The following MPP4 variants were observed in gnomAD, a reference collection of about 807,000 sequenced individuals.
The protein encoded by MPP4 is MAGUK p55 subfamily member 4.
MPP4 carries 91 observed loss-of-function variants against 98.3 expected under a neutral mutation model. The ratio of observed to expected loss-of-function variants is 0.93; its 90% CI spans 0.78 to 1.10. The LOEUF is 1.10. Ranked by LOEUF, MPP4 falls within the 50% of genes least tolerant of loss-of-function variation. MPP4 has a pLI of 0.00. For synonymous variants in MPP4, 261 were observed against 271.8 expected, an observed-to-expected ratio of 0.96 and a Z score of 0.39; for missense variants, 744 against 792.9, an observed-to-expected ratio of 0.94 and a Z score of 0.74.
intron 12 of MPP4, among the ~76,000 whole-genome samples, chr2:201,666,925 T>A (rs1371978305): frequency 6.6e-6 from 1 of 152,122 alleles, no homozygotes; most frequent in African/African-American, 2.4e-5. Context: ...TGTGGGAGGC[T>A]ATATAACATA....
chr2:201,693,933 C>T lies in MPP4; in HGVS notation c.22G>A (p.Ala8Thr), dbSNP rs2105951424. The T allele has an allele frequency of 1.9e-6, 3 of 1,613,978 alleles. No homozygotes were observed. The highest frequency in any genetic ancestry group is 2.2e-5 in the East Asian group (1 of 44,892). The change falls in exon 2 of 22, where the codon GCA becomes ACA. Residue 8 changes from alanine to threonine, a missense_variant. Transcript: ENST00000409474. ...ATGTCCTTCTTGTCTGGTGGATCTG[C>T]TCCTTTGTCTGACTGTATCATCCTC... Reference protein sequence around the residue: MIQSDKGADPPDKKDMKL... With the variant: MIQSDKGTDPPDKKDMKL...
At chr2:201,683,434 A>G (rs1001510867) in intron 7 of MPP4, among the ~76,000 whole-genome samples, 1 of 152,220 alleles carries the variant, frequency 6.6e-6, no homozygotes, top group Non-Finnish European at 1.5e-5. Context: ...ACAGCATCAG[A>G]TGTGGTCAAG....
At chr2:201,682,755 C>T in intron 8 of MPP4, 76 bp downstream of exon 8, 1 of 1,271,836 alleles carries the variant, frequency 7.9e-7, no homozygotes, top group Middle Eastern at 1.8e-4. Flanking sequence ...CCAGTGCACA[C>T]ACGTGGGCTT....
At chr2:201,650,656 G>T in intron 18 of MPP4, 1 of 985,260 alleles carries the variant, frequency 1.0e-6, no homozygotes, top group African/African-American at 1.7e-5. Flanking sequence ...CTGATGAAAA[G>T]CGAAGTTGAA....
intron 5 of MPP4, 109 bp downstream of exon 5, chr2:201,687,181 GT>G: frequency 7.8e-6 from 7 of 896,420 alleles, no homozygotes; most frequent in Non-Finnish European, 1.2e-5. Context: ...ACCGTGTACA[GT>G]AATAGAACAT....
chr2:201,673,956 G>A (rs954532518), intron 11 of MPP4, among the ~76,000 whole-genome samples: 6 of 152,262 alleles, frequency 3.9e-5, no homozygotes, highest in East Asian at 1.9e-4. Context: ...GAAGGGCCTC[G>A]CTCAGTAGGC....
chr2:201,665,222 C>G (rs1474481540), intron 13 of MPP4: 1 of 152,236 alleles, frequency 6.6e-6, no homozygotes, highest in East Asian at 1.9e-4. Context: ...CCCGCCACCA[C>G]GCCTGGCTAA....
intron 21 of MPP4, among the ~76,000 whole-genome samples, chr2:201,646,300 CT>C (rs1279322479): frequency 2.0e-5 from 3 of 152,144 alleles, no homozygotes; most frequent in Non-Finnish European, 4.4e-5. Flanking sequence ...AAAATGGCCA[CT>C]TTCAACATGA....
At chr2:201,692,481 T>A (rs1574639737) in intron 3 of MPP4, among the ~76,000 whole-genome samples, 1 of 149,076 alleles carries the variant, frequency 6.7e-6, no homozygotes, top group African/African-American at 2.5e-5. Context: ...GAGGCGGAGG[T>A]TGCAGTGAGT....
chr2:201,673,545 T>A (rs1341949623), intron 11 of MPP4: 1 of 210,412 alleles, frequency 4.8e-6, no homozygotes, highest in African/African-American at 2.4e-5. Context: ...GTTCTGCACA[T>A]GTATCCCAGA....
rs1162113030 is a variant in MPP4, at chr2:201,645,062, A to AT, written c.*147dup. 4 of 685,758 alleles carry AT rather than the reference A, an allele frequency of 5.8e-6. No homozygotes were observed. Among genetic ancestry groups the AT allele is most frequent in the African/African-American group, 1.8e-5 (1 of 54,418 alleles). The allele number at this position is 685,758 out of a possible 1,614,324, so 42.5% of individuals were successfully genotyped here. On this transcript the variant is annotated 3_prime_UTR_variant, in exon 22 of 22. Transcript: ENST00000409474. ...GTAACCACATAACCATACAATAAAA[A>AT]TTTTTTTCAAATAAGATTAATTAAT...
At chr2:201,678,662 T>C (rs1332911672) in intron 10 of MPP4, among the ~76,000 whole-genome samples, 2 of 152,172 alleles carry the variant, frequency 1.3e-5, no homozygotes, top group Non-Finnish European at 2.9e-5. Context: ...TGTGAAGAGA[T>C]GGCTCGCGTC....
At chr2:201,671,031 A>G (rs774760834) in intron 11 of MPP4, among the ~76,000 whole-genome samples, 2 of 152,198 alleles carry the variant, frequency 1.3e-5, no homozygotes, top group African/African-American at 4.8e-5. Flanking sequence ...TCCAGCCCAG[A>G]TATTACCCTT....
intron 3 of MPP4, 112 bp downstream of exon 3, chr2:201,692,795 GT>G (rs1689075122): frequency 7.0e-7 from 1 of 1,432,964 alleles, no homozygotes; most frequent in African/African-American, 1.4e-5. Context: ...ATCAATTTCT[GT>G]TGTTTATAAA....
intron 7 of MPP4, among the ~76,000 whole-genome samples, chr2:201,683,410 CAAGA>C (rs1160009298): frequency 6.6e-6 from 1 of 152,158 alleles, no homozygotes; most frequent in Non-Finnish European, 1.5e-5. Context: ...ATAAAAAATT[CAAGA>C]AAGGTGTCAA....
At chr2:201,693,069 G>T in intron 2 of MPP4, 40 bp from the exon 3 acceptor site, 1 of 1,587,550 alleles carries the variant, frequency 6.3e-7, no homozygotes. Context: ...GGCAGGTGCG[G>T]GTGTAAATGT....
chr2:201,673,912 C>T (rs375997420), intron 11 of MPP4, among the ~76,000 whole-genome samples: 1 of 152,212 alleles, frequency 6.6e-6, no homozygotes, highest in Non-Finnish European at 1.5e-5. Flanking sequence ...CCCTCCCTTA[C>T]CCCCTTTCCA....
At chr2:201,683,051 A>C in intron 7 of MPP4, 135 bp from the exon 8 acceptor site, 4 of 594,710 alleles carry the variant, frequency 6.7e-6, no homozygotes, top group Non-Finnish European at 5.7e-6. Context: ...AATAATAGAA[A>C]AGAAAGCTGG....
intron 14 of MPP4, among the ~76,000 whole-genome samples, chr2:201,662,657 T>C (rs569987302): frequency 3.8e-4 from 58 of 152,048 alleles, no homozygotes; most frequent in Non-Finnish European, 6.5e-4. Context: ...ATATTCCTTA[T>C]ATGAAGTACA....
Sources: gnomAD v4.1 joint callset for allele counts (sites outside exome capture counted in the v4.1 genomes callset) on GRCh38, gnomAD v4.1.1 for gene constraint, MANE v1.5 for transcripts, NCBI Gene and HGNC (gene_info 2026-07-23, HGNC 2026-07-21) for gene names.